Variants in TEX9 observed in about 807,000 individuals in gnomAD.
TEX9 encodes testis expressed 9.
TEX9 carries 74 observed loss-of-function variants against 59.6 expected under a neutral mutation model. The ratio of observed to expected loss-of-function variants is 1.24; its 90% CI spans 1.03 to 1.51. The LOEUF (loss-of-function observed/expected upper bound fraction) is 1.51. Among genes scored for constraint, TEX9 ranks in the 40% most tolerant of loss-of-function variants. TEX9 has a pLI of 0.00. For synonymous variants in TEX9, 186 were observed against 152.2 expected, an observed-to-expected ratio of 1.22 and a Z score of -1.64; for missense variants, 522 against 447.8, an observed-to-expected ratio of 1.17 and a Z score of -1.49.
chr15:56,276,357 G>T (rs969470481), intron 1 of TEX9, among the ~76,000 whole-genome samples: 31 of 152,062 alleles, frequency 2.0e-4, no homozygotes, highest in Non-Finnish European at 4.3e-4. Context: ...AGGCCCTGGT[G>T]TGTGATGTTC....
chr15:56,373,362 T>G, intron 2 of TEX9, 79 bp from the exon 3 acceptor site: 1 of 1,355,964 alleles, frequency 7.4e-7, no homozygotes, highest in Non-Finnish European at 1.0e-6. Flanking sequence ...TTACGTCACT[T>G]GATAACGTGT....
intron 1 of TEX9, among the ~76,000 whole-genome samples, chr15:56,302,908 A>C (rs1186821641): frequency 1.3e-5 from 2 of 152,248 alleles, no homozygotes; most frequent in African/African-American, 4.8e-5. Flanking sequence ...AACAGGAGTC[A>C]TTATACTTAC....
intron 1 of TEX9, among the ~76,000 whole-genome samples, chr15:56,290,004 T>C (rs1338641443): frequency 6.6e-6 from 1 of 152,130 alleles, no homozygotes; most frequent in Admixed American, 6.5e-5. Context: ...AAGCAAGGGA[T>C]TGGCTCTGGA....
At chr15:56,302,192 A>G (rs1376481545) in intron 1 of TEX9, among the ~76,000 whole-genome samples, 1 of 152,170 alleles carries the variant, frequency 6.6e-6, no homozygotes, top group Non-Finnish European at 1.5e-5. Flanking sequence ...CTTCAAATCA[A>G]AAAACCTCCA....
chr15:56,276,258 C>T (rs2044665494), intron 1 of TEX9, among the ~76,000 whole-genome samples: 1 of 151,992 alleles, frequency 6.6e-6, no homozygotes, highest in African/African-American at 2.4e-5. Flanking sequence ...GTTTGCTGCA[C>T]CTATCCACCC....
chr15:56,332,446 A>G (rs1212614581), intron 1 of TEX9, among the ~76,000 whole-genome samples: 1 of 137,846 alleles, frequency 7.3e-6, no homozygotes, highest in Non-Finnish European at 1.5e-5. Context: ...AGGAAGGGGA[A>G]TATCACACTC....
chr15:56,448,466 T>G (rs2050923920), downstream of TEX9, among the ~76,000 whole-genome samples: 1 of 143,092 alleles, frequency 7.0e-6, no homozygotes, highest in African/African-American at 2.9e-5. Context: ...AGCTCCCACC[T>G]ATAAGTGAGA....
chr15:56,290,785 CT>C (rs568536742), intron 1 of TEX9, among the ~76,000 whole-genome samples: 1,862 of 145,170 alleles, frequency 0.013, 40 homozygotes, highest in African/African-American at 0.041. Context: ...GGTTATTCTC[CT>C]TTTTTTTTTT....
chr15:56,322,110 C>T (rs560784896), intron 1 of TEX9, among the ~76,000 whole-genome samples: 7 of 152,056 alleles, frequency 4.6e-5, no homozygotes, highest in Admixed American at 1.3e-4. Context: ...TGTCCACCTC[C>T]GAGGAAGAGT....
intron 12 of TEX9, among the ~76,000 whole-genome samples, chr15:56,439,091 G>C (rs1454248038): frequency 2.6e-5 from 4 of 152,140 alleles, no homozygotes; most frequent in Admixed American, 2.6e-4. Flanking sequence ...AATTCAGCAA[G>C]GTTGTGAGAT....
At chr15:56,335,970 C>A (rs1233864825) in intron 1 of TEX9, among the ~76,000 whole-genome samples, 6 of 152,150 alleles carry the variant, frequency 3.9e-5, no homozygotes, top group Admixed American at 3.9e-4. Flanking sequence ...GTTTCATATA[C>A]TGCTGCTACT....
intron 1 of TEX9, among the ~76,000 whole-genome samples, chr15:56,340,157 G>C (rs1461861147): frequency 6.6e-6 from 1 of 152,114 alleles, no homozygotes; most frequent in Non-Finnish European, 1.5e-5. Flanking sequence ...AGGATGGTAA[G>C]GGAAATTTAA....
At chr15:56,314,106 G>C (rs1275250866) in intron 1 of TEX9, among the ~76,000 whole-genome samples, 1 of 27,500 alleles carries the variant, frequency 3.6e-5, no homozygotes, top group African/African-American at 7.1e-5. Flanking sequence ...ACCAGCTCCT[G>C]GATTCATTAA....
intron 7 of TEX9, among the ~76,000 whole-genome samples, chr15:56,392,950 T>A (rs1471268811): frequency 2.0e-5 from 3 of 152,256 alleles, no homozygotes; most frequent in African/African-American, 7.2e-5. Context: ...AGATGATTGC[T>A]TGGAATGGTT....
In TEX9 at chr15:56,422,393, G is replaced by A. The variant is rs570559494; in HGVS notation, c.964-5212G>A. Among the ~76,000 whole-genome samples the A allele has an allele frequency of 4.6e-5, 7 of 151,586 alleles. 1 individual carries two copies. Among genetic ancestry groups the A allele is most frequent in the South Asian group, 2.1e-4 (1 of 4,808 alleles). ...AGCTAGCTGTTGTTTTAGTTGGCCCGTATGTTTTCTTTCCCTTCTTTTTGA... is the reference window on the plus strand; with the variant it reads ...AGCTAGCTGTTGTTTTAGTTGGCCCATATGTTTTCTTTCCCTTCTTTTTGA... On this transcript the variant is annotated intron_variant, in intron 10 of 12. Transcript: ENST00000352903.
the TEX9 span, among the ~76,000 whole-genome samples, chr15:56,460,009 A>ATATATATATATATAT: frequency 1.5e-4 from 4 of 26,406 alleles, 1 homozygote; most frequent in Non-Finnish European, 2.8e-4. Flanking sequence ...AAAAAAAAAA[A>ATATATATATATATAT]ATACATATAT....
At chr15:56,381,210 A>G (rs574684242) in intron 3 of TEX9, among the ~76,000 whole-genome samples, 1 of 152,194 alleles carries the variant, frequency 6.6e-6, no homozygotes, top group East Asian at 1.9e-4. Context: ...AGCCTTCAGT[A>G]TGTCAGTTGC....
At chr15:56,448,057 C>T (rs776428590), downstream of TEX9, among the ~76,000 whole-genome samples, 2 of 152,118 alleles carry the variant, frequency 1.3e-5, no homozygotes, top group Non-Finnish European at 2.9e-5. Context: ...TGCTGATAGA[C>T]ATTTGAGTTG....
chr15:56,256,020 GTAAT>G (rs777318604), intron 1 of TEX9, among the ~76,000 whole-genome samples: 12 of 151,474 alleles, frequency 7.9e-5, no homozygotes, highest in Non-Finnish European at 1.5e-4. Context: ...AATAAAAGTT[GTAAT>G]TAATAAGCAA....
Sources: allele counts gnomAD v4.1 joint callset (sites outside exome capture counted in the v4.1 genomes callset), GRCh38; gene constraint gnomAD v4.1.1; transcripts MANE v1.5; gene names NCBI Gene and HGNC (gene_info 2026-07-23, HGNC 2026-07-21).